The following RBIS variants were observed in gnomAD, a reference collection of about 807,000 sequenced individuals.
RBIS encodes ribosomal biogenesis factor, also known as ribosome biogenesis factor identified in screen.
In RBIS, 9 loss-of-function variants were observed where a neutral mutation model predicts 9.8. The observed-to-expected ratio is 0.92, with a 90% confidence interval of 0.56 to 1.61. The LOEUF (loss-of-function observed/expected upper bound fraction) is 1.61. Among genes scored for constraint, RBIS ranks in the 40% most tolerant of loss-of-function variants. RBIS has a pLI of 0.00. For synonymous variants in RBIS, 35 were observed against 37.9 expected (o/e 0.92, Z 0.28); for missense variants, 103 against 116.0 (o/e 0.89, Z 0.51).
chr8:85,217,260 AC>A (rs1482736143), intron 2 of RBIS, 125 bp downstream of exon 2: 1 of 717,150 alleles, frequency 1.4e-6, no homozygotes, highest in African/African-American at 1.8e-5. Flanking sequence ...AATGCTTGAA[AC>A]CATCCTTACC....
chr8:85,217,882 G>A (rs1247985093), intron 1 of RBIS, among the ~76,000 whole-genome samples: 2 of 152,216 alleles, frequency 1.3e-5, no homozygotes, highest in Non-Finnish European at 2.9e-5. Flanking sequence ...GACTGATTCT[G>A]CCTCCTTCTT....
intron 1 of RBIS, chr8:85,217,767 T>G: frequency 2.1e-6 from 1 of 467,396 alleles, no homozygotes; most frequent in South Asian, 2.6e-5. Flanking sequence ...TTGAATTCAC[T>G]AATATCATCA....
At chr8:85,215,494 G>A (rs1485730736) in intron 2 of RBIS, 1 of 152,266 alleles carries the variant, frequency 6.6e-6, no homozygotes, top group Non-Finnish European at 1.5e-5. Context: ...TGCTCCAGAG[G>A]AGTGGGGATA....
intron 1 of RBIS, among the ~76,000 whole-genome samples, chr8:85,219,816 C>T (rs1164629055): frequency 1.3e-5 from 2 of 152,036 alleles, no homozygotes; most frequent in Admixed American, 1.3e-4. Context: ...AAATCAATTG[C>T]TATATGCCAC....
intron 1 of RBIS, among the ~76,000 whole-genome samples, chr8:85,218,174 CAT>C (rs1418941580): frequency 1.3e-5 from 2 of 152,152 alleles, no homozygotes. Flanking sequence ...TAAGTTAACA[CAT>C]ATTGAGCTTT....
chr8:85,217,279 GA>G, intron 2 of RBIS, 106 bp downstream of exon 2: 1 of 756,124 alleles, frequency 1.3e-6, no homozygotes, highest in Admixed American at 2.0e-5. Context: ...ACCTTTCTAG[GA>G]AAAATGAAGA....
At chr8:85,214,899 A>G (rs750041883) in intron 3 of RBIS, 22 bp downstream of exon 3, 1 of 1,309,008 alleles carries the variant, frequency 7.6e-7, no homozygotes, top group South Asian at 1.3e-5. Context: ...GCCATAAAAA[A>G]AAGCAAATGA....
rs1268772801 is a variant in RBIS, at chr8:85,214,139, C to G, written c.*421G>C. The G allele has an allele frequency of 1.8e-6, 1 of 548,034 alleles. No individual in the cohort carries two copies. Among genetic ancestry groups the G allele is most frequent in the African/African-American group, 1.9e-5 (1 of 53,678 alleles). 33.9% of individuals were successfully genotyped at this position (548,034 alleles called of 1,614,324 possible). On this transcript the variant is annotated 3_prime_UTR_variant, in exon 4 of 4. Transcript: ENST00000619594. ...TCAACTTTTCTTCTAATTGTGAATC[C>G]TTCTGTTTTTTCTTCTTAAGGAGGA...
At chr8:85,218,436 T>A (rs755499399) in intron 1 of RBIS, among the ~76,000 whole-genome samples, 9 of 151,892 alleles carry the variant, frequency 5.9e-5, no homozygotes, top group Admixed American at 3.3e-4. Flanking sequence ...TACAAAAAAA[T>A]GGTATAGTAT....
intron 3 of RBIS, 116 bp from the exon 4 acceptor site, chr8:85,214,747 T>TA (rs1191899752): frequency 1.2e-6 from 1 of 801,660 alleles, no homozygotes; most frequent in Non-Finnish European, 2.1e-6. Flanking sequence ...TAGAACAATC[T>TA]GTATATTCTG....
chr8:85,220,175 G>A (rs369217897), intron 1 of RBIS, 131 bp downstream of exon 1: 7 of 152,370 alleles, frequency 4.6e-5, no homozygotes, highest in Admixed American at 4.6e-4. Context: ...CTACCCAGTA[G>A]GGCTGCCTGA....
At position 85,214,442 on chromosome 8, in the gene RBIS, T is replaced by G; in HGVS notation, c.*118A>C. Reference sequence around the variant, plus strand: ...CTAGGTTATAGGAAAGATCTGTTTATGTAGTTTGTTTTTAAAATGTGCCAA... The same window carrying G: ...CTAGGTTATAGGAAAGATCTGTTTAGGTAGTTTGTTTTTAAAATGTGCCAA... On this transcript the variant is annotated 3_prime_UTR_variant, in exon 4 of 4. Transcript: ENST00000619594. 1.4e-6 allele frequency: 1 copy of G among 728,388 alleles called. No homozygotes were observed. The allele number at this position is 728,388 out of a possible 1,614,324, so 45.1% of individuals were successfully genotyped here. A position where few individuals can be genotyped will look rare whatever the true frequency, so the allele number is the denominator to read the frequency against.
At chr8:85,217,349 G>A in intron 2 of RBIS, 37 bp downstream of exon 2, 1 of 1,197,288 alleles carries the variant, frequency 8.4e-7, no homozygotes, top group Non-Finnish European at 1.3e-6. Context: ...CACTTTGCTT[G>A]TAAACAATAA....
At chr8:85,215,061 A>T (rs952365828) in intron 2 of RBIS, 24 bp from the exon 3 acceptor site, 1 of 963,766 alleles carries the variant, frequency 1.0e-6, no homozygotes, top group Non-Finnish European at 1.6e-6. Flanking sequence ...AAAAAGCATT[A>T]ATCTATGATC....
chr8:85,217,328 G>T, intron 2 of RBIS, 58 bp downstream of exon 2: 1 of 992,244 alleles, frequency 1.0e-6, no homozygotes, highest in Non-Finnish European at 1.6e-6. Context: ...CTGTTCAGTA[G>T]CTTACAATGA....
At chr8:85,217,876 G>A (rs1813213179) in intron 1 of RBIS, among the ~76,000 whole-genome samples, 1 of 152,194 alleles carries the variant, frequency 6.6e-6, no homozygotes, top group African/African-American at 2.4e-5. Context: ...TTTAGAGACT[G>A]ATTCTGCCTC....
At chr8:85,214,662 A>G in intron 3 of RBIS, 31 bp from the exon 4 acceptor site, 2 of 1,329,372 alleles carry the variant, frequency 1.5e-6, no homozygotes, top group Non-Finnish European at 2.2e-6. Context: ...ATTTAAAAAC[A>G]CAGACAACAA....
intron 1 of RBIS, chr8:85,218,677 C>CA (rs1226227765): frequency 6.6e-6 from 1 of 152,176 alleles, no homozygotes; most frequent in Non-Finnish European, 1.5e-5. Flanking sequence ...ACTACAAATA[C>CA]AAAAATTAGC....
rs931191733 is a variant in RBIS at position 85,214,412 on chromosome 8, C to T, written c.*148G>A. The T allele has an allele frequency of 4.6e-6, 3 of 650,002 alleles. No homozygotes were observed. The highest frequency in any genetic ancestry group is 3.7e-5 in the African/African-American group (2 of 54,062). 40.3% of individuals were successfully genotyped at this position (650,002 alleles called of 1,614,324 possible). A position where few individuals can be genotyped will look rare whatever the true frequency, so the allele number is the denominator to read the frequency against. ...CATTTTGTTGACTTCTGACATTCCA[C>T]TTTCCTAGGTTATAGGAAAGATCTG... is the stretch of plus-strand genomic sequence containing the variant. On this transcript the variant is annotated 3_prime_UTR_variant, in exon 4 of 4. Transcript: ENST00000619594.
Sources: allele counts gnomAD v4.1 joint callset (sites outside exome capture counted in the v4.1 genomes callset), GRCh38; gene constraint gnomAD v4.1.1; transcripts MANE v1.5; gene names NCBI Gene and HGNC (gene_info 2026-07-23, HGNC 2026-07-21).